The following LMO7 variants were observed in gnomAD, a reference collection of about 807,000 sequenced individuals.
LMO7 encodes the protein LIM domain only protein 7.
LMO7 carries 120 observed loss-of-function variants against 206.5 expected under a neutral mutation model. That is an observed-to-expected ratio of 0.58 (90% CI 0.50 to 0.68). The LOEUF (loss-of-function observed/expected upper bound fraction) is 0.68, where lower values mean the gene tolerates loss of function less well. LMO7 is among the 30% of genes least tolerant of loss of function. LMO7 has a pLI of 0.00. For missense variants in LMO7, 1,959 were observed against 1,957.9 expected (o/e 1.00, Z -0.01); for synonymous variants, 706 against 681.5 (o/e 1.04, Z -0.56).
At chr13:75,654,324 T>C (rs1055903439) in intron 1 of LMO7, among the ~76,000 whole-genome samples, 1 of 152,150 alleles carries the variant, frequency 6.6e-6, no homozygotes, top group Non-Finnish European at 1.5e-5. Flanking sequence ...AGGAGGATAA[T>C]CAGATGGAAT....
intron 1 of LMO7, among the ~76,000 whole-genome samples, chr13:75,656,096 C>T (rs2038042396): frequency 6.6e-6 from 1 of 152,174 alleles, no homozygotes; most frequent in Non-Finnish European, 1.5e-5. Context: ...TGGTTATTCC[C>T]TTTGGGATCC....
chr13:75,833,463 A>G lies in LMO7; in HGVS notation c.3064+298A>G, dbSNP rs142055079. Among the ~76,000 whole-genome samples the G allele has an allele frequency of 4.4e-3, 673 of 152,298 alleles. 5 individuals are homozygous for G. The highest frequency in any genetic ancestry group is 0.016 in the African/African-American group (650 of 41,568). ...AAATGCTAACAAACGGCGCTTAAGT[A>G]AAGATTCAGAAAGAGCTTTCCATGA... On this transcript the variant is annotated intron_variant, in intron 16 of 30. Transcript: ENST00000377534.
intron 1 of LMO7, among the ~76,000 whole-genome samples, chr13:75,694,273 GA>G (rs2041732360): frequency 6.6e-6 from 1 of 152,162 alleles, no homozygotes; most frequent in Non-Finnish European, 1.5e-5. Flanking sequence ...GCTGACAGGG[GA>G]AAGACGTAAT....
intron 1 of LMO7, among the ~76,000 whole-genome samples, chr13:75,682,533 CT>C (rs2040622926): frequency 6.6e-6 from 1 of 152,052 alleles, no homozygotes; most frequent in South Asian, 2.1e-4. Context: ...TATACATGGG[CT>C]TTCTTATCAG....
intron 15 of LMO7, among the ~76,000 whole-genome samples, chr13:75,831,450 A>G (rs950621668): frequency 3.3e-5 from 5 of 152,154 alleles, no homozygotes; most frequent in African/African-American, 9.7e-5. Flanking sequence ...CCTTCCTTCA[A>G]ATTCTTGTGT....
rs914234782 is a variant in LMO7 at position 75,859,607 on chromosome 13, ATC to A, written c.*1668_*1669del. 1 of 152,212 alleles carries A rather than the reference ATC, an allele frequency of 6.6e-6. No individual in the cohort carries two copies. Among genetic ancestry groups the A allele is most frequent in the Non-Finnish European group, 1.5e-5 (1 of 68,042 alleles). The allele number at this position is 152,212 out of a possible 1,614,324, so 9.4% of individuals were successfully genotyped here. A position where few individuals can be genotyped will look rare whatever the true frequency, so the allele number is the denominator to read the frequency against. On this transcript the variant is annotated 3_prime_UTR_variant, in exon 31 of 31. Coordinates refer to ENST00000377534, the MANE Select transcript of LMO7 (RefSeq NM_001306080.2). The stretch of plus-strand genomic sequence containing the variant: ...GTAAATTCTGTGATACTCTATGATC[ATC>A]TCTTTCTTTATATTATTTTCATAGA...
rs763185699 is a variant in LMO7 at position 75,841,986 on chromosome 13, A to G, written c.4031+3A>G. On this transcript the variant is annotated splice_donor_region_variant and intron_variant, in intron 24 of 30. Coordinates refer to ENST00000377534, the MANE Select transcript of LMO7 (RefSeq NM_001306080.2). ...GTCAGAATATACCAGTACAGGAGGT[A>G]TGTCCCCACAGCCAGAGGGTACAAA... The G allele has an allele frequency of 1.2e-6, 2 of 1,601,968 alleles. No individual in the cohort carries two copies. Among genetic ancestry groups the G allele is most frequent in the Non-Finnish European group, 1.7e-6 (2 of 1,172,490 alleles).
At chr13:75,749,819 C>T (rs2047129952) in intron 3 of LMO7, among the ~76,000 whole-genome samples, 3 of 151,794 alleles carry the variant, frequency 2.0e-5, no homozygotes, top group African/African-American at 7.3e-5. Context: ...AATGGCTGAG[C>T]CCTCACCCCC....
intron 2 of LMO7, chr13:75,627,925 A>T (rs1047811118): frequency 1.2e-4 from 18 of 149,658 alleles, no homozygotes; most frequent in African/African-American, 4.4e-4. Context: ...AAATGATTTT[A>T]GTTCAATGAT....
At chr13:75,759,474 G>A (rs915560789) in intron 3 of LMO7, among the ~76,000 whole-genome samples, 6 of 152,198 alleles carry the variant, frequency 3.9e-5, no homozygotes, top group Middle Eastern at 3.4e-3. Flanking sequence ...AATAAATTGT[G>A]TCTCCTTTTT....
At chr13:75,806,165 G>A in intron 9 of LMO7, 3 of 997,640 alleles carry the variant, frequency 3.0e-6, no homozygotes, top group Non-Finnish European at 3.6e-6. Flanking sequence ...AACTGCCAAA[G>A]ACCTTCACTC....
chr13:75,638,832 C>A (rs997669694), intron 1 of LMO7, among the ~76,000 whole-genome samples: 1 of 152,078 alleles, frequency 6.6e-6, no homozygotes, highest in African/African-American at 2.4e-5. Flanking sequence ...ATCACAACCT[C>A]TTTAAGAACC....
At chr13:75,627,456 A>G (rs2034347580) in intron 2 of LMO7, 1 of 152,224 alleles carries the variant, frequency 6.6e-6, no homozygotes, top group African/African-American at 2.4e-5. Flanking sequence ...GAGTATCTGT[A>G]TTAATAATAT....
intron 1 of LMO7, among the ~76,000 whole-genome samples, chr13:75,667,887 A>G (rs2039212294): frequency 6.6e-6 from 1 of 152,210 alleles, no homozygotes; most frequent in South Asian, 2.1e-4. Context: ...ATGTTTTGTC[A>G]AAAAGTGTTT....
intron 1 of LMO7, among the ~76,000 whole-genome samples, chr13:75,673,663 G>T (rs1594198475): frequency 6.6e-6 from 1 of 151,908 alleles, no homozygotes; most frequent in Admixed American, 6.6e-5. Context: ...TTTTAACTAG[G>T]TTTTCAATTA....
At chr13:75,777,561 G>A (rs2050677118) in intron 4 of LMO7, among the ~76,000 whole-genome samples, 1 of 151,998 alleles carries the variant, frequency 6.6e-6, no homozygotes, top group South Asian at 2.1e-4. Context: ...GGATTTGGAA[G>A]GTGGCCTTAA....
intron 1 of LMO7, among the ~76,000 whole-genome samples, chr13:75,674,589 C>T (rs1343206637): frequency 6.6e-6 from 1 of 152,158 alleles, no homozygotes; most frequent in Non-Finnish European, 1.5e-5. Context: ...AGAATGCTCC[C>T]GTGTGTTGGG....
At chr13:75,717,757 G>T (rs1008617076) in intron 2 of LMO7, among the ~76,000 whole-genome samples, 1 of 152,150 alleles carries the variant, frequency 6.6e-6, no homozygotes, top group African/African-American at 2.4e-5. Flanking sequence ...GGTGACATGG[G>T]TAGGCCCCCT....
At chr13:75,825,967 T>C (rs146650472) in intron 15 of LMO7, among the ~76,000 whole-genome samples, 55 of 152,254 alleles carry the variant, frequency 3.6e-4, no homozygotes, top group African/African-American at 1.1e-3. Context: ...TTGCTGGCAC[T>C]GTCCTTTCAT....
Sources: gnomAD v4.1 joint callset for allele counts (sites outside exome capture counted in the v4.1 genomes callset) on GRCh38, gnomAD v4.1.1 for gene constraint, MANE v1.5 for transcripts, NCBI Gene and HGNC (gene_info 2026-07-23, HGNC 2026-07-21) for gene names.